The following ZBTB20 variants were observed in gnomAD, a reference collection of about 807,000 sequenced individuals.
ZBTB20 encodes the protein zinc finger and BTB domain-containing protein 20.
In ZBTB20, 9 loss-of-function variants were observed where a neutral mutation model predicts 56.9. The ratio of observed to expected loss-of-function variants is 0.16; its 90% CI spans 0.10 to 0.28. The LOEUF is 0.28. Ranked by LOEUF, ZBTB20 falls within the 10% of genes least tolerant of loss-of-function variation. ZBTB20 has a pLI of 1.00. For missense variants in ZBTB20, 655 were observed against 1,003.0 expected (o/e 0.65, Z 4.69); for synonymous variants, 417 against 420.7 (o/e 0.99, Z 0.11).
intron 6 of ZBTB20, among the ~76,000 whole-genome samples, chr3:114,531,918 C>T (rs28665745): frequency 1.0e-3 from 159 of 152,268 alleles, no homozygotes; most frequent in Non-Finnish European, 1.9e-3. Context: ...CCGAGAAAGC[C>T]GCGAGGGACT....
chr3:115,101,525 C>T (rs2083582432), intron 1 of ZBTB20, among the ~76,000 whole-genome samples: 1 of 152,102 alleles, frequency 6.6e-6, no homozygotes, highest in Non-Finnish European at 1.5e-5. Flanking sequence ...CTCTCCTCGT[C>T]CCCGAATTTT....
chr3:114,717,363 G>T (rs907557963), intron 5 of ZBTB20, among the ~76,000 whole-genome samples: 3 of 152,060 alleles, frequency 2.0e-5, no homozygotes, highest in Admixed American at 6.6e-5. Context: ...CCACAGAAAG[G>T]TTATTGAGGT....
chr3:114,787,900 A>C (rs1482992008), intron 5 of ZBTB20, among the ~76,000 whole-genome samples: 1 of 152,160 alleles, frequency 6.6e-6, no homozygotes, highest in Non-Finnish European at 1.5e-5. Context: ...CCAAAATGAG[A>C]ATGTCTAACA....
At chr3:115,073,921 T>G (rs568082122) in intron 1 of ZBTB20, among the ~76,000 whole-genome samples, 1 of 152,202 alleles carries the variant, frequency 6.6e-6, no homozygotes, top group African/African-American at 2.4e-5. Context: ...CCACATAAGT[T>G]CTGAAGACCA....
At chr3:115,137,014 A>G (rs1378169259) in intron 1 of ZBTB20, among the ~76,000 whole-genome samples, 3 of 152,132 alleles carry the variant, frequency 2.0e-5, no homozygotes, top group Non-Finnish European at 4.4e-5. Context: ...TTGAGGAGAA[A>G]GGTGCCATGC....
At chr3:114,454,056 C>T (rs1284026344) in intron 7 of ZBTB20, among the ~76,000 whole-genome samples, 1 of 148,692 alleles carries the variant, frequency 6.7e-6, no homozygotes, top group Non-Finnish European at 1.5e-5. Context: ...GAGCCAGAAA[C>T]CCTCCCGCTG....
rs192950814 is a variant in ZBTB20, at chr3:114,849,722, A to T, written c.-416-48548T>A. ...AAGAAAGTAGTTGTCCCTAGGTCACAGATTATATACACATGCATAGCAAAA... is the reference window on the plus strand; with the variant it reads ...AAGAAAGTAGTTGTCCCTAGGTCACTGATTATATACACATGCATAGCAAAA... On this transcript the variant is annotated intron_variant, in intron 4 of 11. Transcript: ENST00000675478. 3.0e-4 allele frequency among the ~76,000 whole-genome samples: 46 copies of T among 152,264 alleles called. 1 individual carries two copies. The highest frequency in any genetic ancestry group is 1.0e-3 in the African/African-American group (42 of 41,554).
intron 3 of ZBTB20, among the ~76,000 whole-genome samples, chr3:114,960,153 A>G (rs1442614564): frequency 1.3e-5 from 2 of 152,238 alleles, no homozygotes; most frequent in Non-Finnish European, 2.9e-5. Flanking sequence ...ACTAGAATAT[A>G]TAATCTATTC....
At chr3:114,710,651 G>A (rs1200799619) in intron 5 of ZBTB20, among the ~76,000 whole-genome samples, 3 of 152,080 alleles carry the variant, frequency 2.0e-5, no homozygotes, top group Non-Finnish European at 4.4e-5. Flanking sequence ...TTCAAGTTAT[G>A]CAGAGTTGAA....
chr3:114,684,277 G>T (rs2062179550), intron 6 of ZBTB20, among the ~76,000 whole-genome samples: 1 of 152,106 alleles, frequency 6.6e-6, no homozygotes, highest in Non-Finnish European at 1.5e-5. Context: ...CGACTTTAGG[G>T]AGCTTTTCCC....
chr3:114,977,891 T>A (rs919084152), intron 2 of ZBTB20, among the ~76,000 whole-genome samples: 1 of 151,454 alleles, frequency 6.6e-6, no homozygotes, highest in Non-Finnish European at 1.5e-5. Context: ...ACAACTGTAG[T>A]CCCAGCTACT....
intron 6 of ZBTB20, among the ~76,000 whole-genome samples, chr3:114,514,614 A>G (rs561296083): frequency 6.5e-4 from 99 of 152,324 alleles, no homozygotes; most frequent in Non-Finnish European, 1.2e-3. Context: ...ACAAAATCCA[A>G]TAGTAAGTAA....
intron 6 of ZBTB20, among the ~76,000 whole-genome samples, chr3:114,553,047 G>C (rs752627698): frequency 7.2e-5 from 11 of 152,128 alleles, no homozygotes; most frequent in Non-Finnish European, 1.6e-4. Context: ...TTTATTTCTT[G>C]AGACAGTTAT....
intron 6 of ZBTB20, among the ~76,000 whole-genome samples, chr3:114,639,985 T>C (rs1042455799): frequency 2.6e-5 from 4 of 152,104 alleles, no homozygotes; most frequent in African/African-American, 4.8e-5. Flanking sequence ...AGCTTTGATA[T>C]ACAAAAATCT....
chr3:114,697,089 GA>G (rs1389644439), intron 5 of ZBTB20, among the ~76,000 whole-genome samples: 2 of 40,858 alleles, frequency 4.9e-5, no homozygotes, highest in Non-Finnish European at 1.7e-4. Context: ...AGAAGAAAGA[GA>G]AAAAAAGAAA....
chr3:114,436,869 G>C (rs2090554252), intron 7 of ZBTB20, among the ~76,000 whole-genome samples: 1 of 152,120 alleles, frequency 6.6e-6, no homozygotes, highest in Admixed American at 6.6e-5. Context: ...AGAAAGGGGT[G>C]GGGTGGGTAT....
chr3:114,364,709 T>C (rs1560141112), intron 10 of ZBTB20, among the ~76,000 whole-genome samples: 1 of 152,302 alleles, frequency 6.6e-6, no homozygotes, highest in East Asian at 1.9e-4. Context: ...GCTCACAATA[T>C]GCTCAGAGTG....
intron 7 of ZBTB20, among the ~76,000 whole-genome samples, chr3:114,425,367 C>T (rs1433457771): frequency 6.6e-6 from 1 of 152,178 alleles, no homozygotes. Flanking sequence ...TTCTTCTACA[C>T]GTTGTCTCTG....
At chr3:114,595,730 CTGGTATT>C (rs1472459681) in intron 6 of ZBTB20, among the ~76,000 whole-genome samples, 1 of 152,182 alleles carries the variant, frequency 6.6e-6, no homozygotes, top group African/African-American at 2.4e-5. Context: ...TAAGATAAGA[CTGGTATT>C]TGGTAAGCTC....
Sources: allele counts gnomAD v4.1 joint callset (sites outside exome capture counted in the v4.1 genomes callset), GRCh38; gene constraint gnomAD v4.1.1; transcripts MANE v1.5; gene names NCBI Gene and HGNC (gene_info 2026-07-23, HGNC 2026-07-21).